Variants in SNX18 observed in about 807,000 individuals in gnomAD.
SNX18 encodes the protein sorting nexin 18.
SNX18 carries 35 observed loss-of-function variants against 48.7 expected under a neutral mutation model. The ratio of observed to expected loss-of-function variants is 0.72; its 90% CI spans 0.55 to 0.95. SNX18 has a LOEUF of 0.95. Ranked by LOEUF, SNX18 falls within the 40% of genes least tolerant of loss-of-function variation. The pLI is 0.00. For missense variants in SNX18, 824 were observed against 871.0 expected (o/e 0.95, Z 0.68); for synonymous variants, 492 against 384.7 (o/e 1.28, Z -3.26).
chr5:54,522,495 T>C (rs1206590273), intron 1 of SNX18, among the ~76,000 whole-genome samples: 1 of 152,222 alleles, frequency 6.6e-6, no homozygotes, highest in African/African-American at 2.4e-5. Context: ...TTAATATAGT[T>C]TCCTGATAGC....
the SNX18 span, among the ~76,000 whole-genome samples, chr5:54,588,350 C>T: frequency 1.3e-3 from 111 of 87,856 alleles, no homozygotes; most frequent in Non-Finnish European, 2.0e-3. Context: ...TTTTTTGAGA[C>T]GGAGTCTCTC....
chr5:54,580,895 G>A, the SNX18 span, among the ~76,000 whole-genome samples: 11 of 152,086 alleles, frequency 7.2e-5, no homozygotes, highest in Admixed American at 1.3e-4. Context: ...CCTTTGCTTC[G>A]GGGAAACTTT....
the SNX18 span, among the ~76,000 whole-genome samples, chr5:54,629,808 C>CTAAAAG: frequency 1.3e-5 from 2 of 152,236 alleles, no homozygotes; most frequent in South Asian, 4.1e-4. Flanking sequence ...TAGATTAGAA[C>CTAAAAG]TAAAAGAGTA....
the SNX18 span, among the ~76,000 whole-genome samples, chr5:54,628,958 T>C: frequency 0.087 from 13,304 of 152,218 alleles, 673 homozygotes; most frequent in African/African-American, 0.14. Flanking sequence ...CTGCTGGAAC[T>C]TGAACAGACT....
the SNX18 span, among the ~76,000 whole-genome samples, chr5:54,647,747 G>A: frequency 6.6e-6 from 1 of 152,290 alleles, no homozygotes; most frequent in East Asian, 1.9e-4. Context: ...AACAGGGGAA[G>A]GCTAAGTAGC....
At chr5:54,548,181 T>C (rs1032753405), downstream of SNX18, among the ~76,000 whole-genome samples, 1 of 152,188 alleles carries the variant, frequency 6.6e-6, no homozygotes, top group Non-Finnish European at 1.5e-5. Flanking sequence ...ACTGCCTGCC[T>C]GTCTTAAAGG....
At chr5:54,523,105 A>T (rs7726479) in intron 1 of SNX18, among the ~76,000 whole-genome samples, 20,578 of 152,154 alleles carry the variant, frequency 0.14, 1,549 homozygotes, top group Middle Eastern at 0.26. Context: ...TAGCTCATCA[A>T]TCCCTGACTA....
At chr5:54,612,262 TTA>T in the SNX18 span, among the ~76,000 whole-genome samples, 30 of 70,988 alleles carry the variant, frequency 4.2e-4, no homozygotes, top group African/African-American at 2.6e-3. Context: ...GAATTTTTTT[TTA>T]TTTTTTTTTT....
At chr5:54,519,648 C>T (rs754066996) in intron 1 of SNX18, 75 bp downstream of exon 1, 26 of 1,614,038 alleles carry the variant, frequency 1.6e-5, no homozygotes, top group Non-Finnish European at 1.9e-5. Context: ...GACAGCAGTA[C>T]CACTGTGGGT....
chr5:54,602,478 C>T, the SNX18 span, among the ~76,000 whole-genome samples: 81 of 152,206 alleles, frequency 5.3e-4, 1 homozygote, highest in East Asian at 0.011. Flanking sequence ...CAGGAACTGA[C>T]GGGACGTTAG....
the SNX18 span, among the ~76,000 whole-genome samples, chr5:54,592,241 T>G: frequency 3.9e-5 from 6 of 152,178 alleles, no homozygotes; most frequent in African/African-American, 1.4e-4. Context: ...CTGCCGAATT[T>G]GGCCTCCACA....
chr5:54,623,940 T>C, the SNX18 span, among the ~76,000 whole-genome samples: 2 of 152,296 alleles, frequency 1.3e-5, no homozygotes, highest in African/African-American at 4.8e-5. Context: ...AGAAACAGAA[T>C]AGAATTCACT....
At chr5:54,536,865 A>G (rs1162336959) in intron 1 of SNX18, among the ~76,000 whole-genome samples, 6 of 152,114 alleles carry the variant, frequency 3.9e-5, no homozygotes, top group Non-Finnish European at 8.8e-5. Flanking sequence ...AAGTGTTCCT[A>G]TTTCTCCACA....
In SNX18 at chr5:54,520,048, T is replaced by G. The variant is rs1288594492; in HGVS notation, c.1621+475T>G. The G allele has an allele frequency of 6.1e-6, 3 of 490,800 alleles. No homozygotes were observed. The South Asian group carries it at 1.3e-4, about 21-fold the overall frequency. 30.4% of individuals were successfully genotyped at this position (490,800 alleles called of 1,614,324 possible). A position where few individuals can be genotyped will look rare whatever the true frequency, so the allele number is the denominator to read the frequency against. ...CCCTTCCACACCTCTCAATCTCTGC[T>G]TTGGTAGAGGAATTAAGATCAATTC... On this transcript the variant is annotated intron_variant, in intron 1 of 1. Coordinates refer to ENST00000381410, the MANE Select transcript of SNX18 (RefSeq NM_001102575.2).
In SNX18 at chr5:54,545,509, A is replaced by G. The variant is rs1762563629; in HGVS notation, c.*2077A>G. 6.6e-6 allele frequency: 1 copy of G among 152,118 alleles called. No individual in the cohort carries two copies. Among genetic ancestry groups the G allele is most frequent in the East Asian group, 1.9e-4 (1 of 5,196 alleles). The allele number at this position is 152,118 out of a possible 1,614,324, so 9.4% of individuals were successfully genotyped here. ...TGATTGTACTTTAGCCAGGGTGGAC[A>G]TAGCTTAAATTATAAAAACTAAAGA... is the stretch of plus-strand genomic sequence containing the variant. On this transcript the variant is annotated 3_prime_UTR_variant, in exon 2 of 2. Transcript: ENST00000381410.
chr5:54,602,632 A>G, the SNX18 span, among the ~76,000 whole-genome samples: 1 of 152,156 alleles, frequency 6.6e-6, no homozygotes, highest in African/African-American at 2.4e-5. Context: ...GTGAAAGTCT[A>G]TTGAAAACTT....
At chr5:54,525,917 G>A (rs903108630) in intron 1 of SNX18, among the ~76,000 whole-genome samples, 11 of 152,166 alleles carry the variant, frequency 7.2e-5, no homozygotes, top group African/African-American at 2.2e-4. Flanking sequence ...GAACATTTAT[G>A]CACGTTTAGT....
chr5:54,548,788 T>C (rs997990199), downstream of SNX18, among the ~76,000 whole-genome samples: 3 of 152,172 alleles, frequency 2.0e-5, no homozygotes, highest in African/African-American at 7.2e-5. Context: ...AGTTTTCTTA[T>C]CTATAATGGG....
chr5:54,570,393 G>A, the SNX18 span, among the ~76,000 whole-genome samples: 2 of 152,168 alleles, frequency 1.3e-5, no homozygotes, highest in African/African-American at 4.8e-5. Context: ...CCTTAAGTTT[G>A]TGGCAAGTAC....
Sources: gnomAD v4.1 joint callset for allele counts (sites outside exome capture counted in the v4.1 genomes callset) on GRCh38, gnomAD v4.1.1 for gene constraint, MANE v1.5 for transcripts, NCBI Gene and HGNC (gene_info 2026-07-23, HGNC 2026-07-21) for gene names.